Variants in RIMS2 observed in about 807,000 individuals in gnomAD.
RIMS2 encodes regulating synaptic membrane exocytosis 2, also known as regulating synaptic membrane exocytosis protein 2.
A neutral mutation model predicts 174.4 loss-of-function variants in RIMS2; 59 were observed. That is an observed-to-expected ratio of 0.34 (90% CI 0.27 to 0.42). The LOEUF (loss-of-function observed/expected upper bound fraction) is 0.42. Among genes scored for constraint, RIMS2 ranks in the 10% least tolerant of loss-of-function variants. The pLI, the probability that RIMS2 is intolerant of heterozygous loss-of-function variation, is 1.00. For synonymous variants in RIMS2, 606 were observed against 572.5 expected, an observed-to-expected ratio of 1.06 and a Z score of -0.84; for missense variants, 1,620 against 1,666.3, an observed-to-expected ratio of 0.97 and a Z score of 0.48.
rs558799421 is a variant in RIMS2 at position 103,557,606 on chromosome 8, C to G, written c.176+56544C>G. ...CAATGAATGAAACTATCAGATAAAC[C>G]CTTGATAATTTCTACCATACAGGAG... On this transcript the variant is annotated intron_variant, in intron 1 of 23. Transcript: ENST00000504942. 3.3e-5 allele frequency among the ~76,000 whole-genome samples: 5 copies of G among 152,192 alleles called. No homozygotes were observed. In the East Asian group the frequency reaches 9.6e-4, roughly 29 times the overall value.
At position 103,795,695 on chromosome 8, in the gene RIMS2, G is replaced by A. The variant is rs1234468692; in HGVS notation, c.698+29158G>A. 1.3e-5 allele frequency among the ~76,000 whole-genome samples: 2 copies of A among 152,116 alleles called. 1 individual carries two copies. Among genetic ancestry groups the A allele is most frequent in the African/African-American group, 4.8e-5 (2 of 41,436 alleles). On this transcript the variant is annotated intron_variant, in intron 3 of 23. Coordinates refer to ENST00000504942, the Ensembl canonical transcript of RIMS2. Reference sequence around the variant, plus strand: ...AAAAGCAAAAGATACACAATTCTCTGATTTTTCCACCTGAACTAGTTGCAG... The same window carrying A: ...AAAAGCAAAAGATACACAATTCTCTAATTTTTCCACCTGAACTAGTTGCAG...
At chr8:103,985,943 C>T (rs1214332730) in intron 16 of RIMS2, among the ~76,000 whole-genome samples, 1 of 151,982 alleles carries the variant, frequency 6.6e-6, no homozygotes, top group African/African-American at 2.4e-5. Flanking sequence ...AGAAAAGAGC[C>T]TGGTGGGGTG....
intron 19 of RIMS2, among the ~76,000 whole-genome samples, chr8:104,225,216 AC>A (rs1167304629): frequency 6.6e-6 from 1 of 152,298 alleles, no homozygotes; most frequent in African/African-American, 2.4e-5. Context: ...TCCTCATTTC[AC>A]AAATGAGAAG....
At chr8:103,723,658 G>A (rs1479680464) in intron 2 of RIMS2, among the ~76,000 whole-genome samples, 1 of 152,230 alleles carries the variant, frequency 6.6e-6, no homozygotes, top group African/African-American at 2.4e-5. Flanking sequence ...GTGTCCACAG[G>A]TGCTGGCCTG....
chr8:104,045,185 T>C (rs2096671792), intron 19 of RIMS2, among the ~76,000 whole-genome samples: 1 of 151,830 alleles, frequency 6.6e-6, no homozygotes, highest in Non-Finnish European at 1.5e-5. Flanking sequence ...TTCACTAATA[T>C]ATTTGGTCAA....
Position 103,918,433 on chromosome 8 carries a change from C to A in RIMS2, c.2037-8C>A. On this transcript the variant is annotated splice_polypyrimidine_tract_variant and splice_region_variant and intron_variant, in intron 8 of 23. Transcript: ENST00000504942. ...TTCTGTCTTTCTTTTTTTTTTTAAT[C>A]ATTTCAGAGATATACCGCGAATACC... 2.7e-6 allele frequency: 4 copies of A among 1,477,794 alleles called. No individual in the cohort carries two copies. The highest frequency in any genetic ancestry group is 3.6e-6 in the Non-Finnish European group (4 of 1,100,354). The allele number at this position is 1,477,794 out of a possible 1,614,324, so 91.5% of individuals were successfully genotyped here.
chr8:103,731,137 C>A (rs1452551443), intron 2 of RIMS2, among the ~76,000 whole-genome samples: 2 of 152,110 alleles, frequency 1.3e-5, no homozygotes, highest in African/African-American at 4.8e-5. Flanking sequence ...CCCACAGGGT[C>A]CCTCCTATGA....
intron 10 of RIMS2, chr8:103,922,702 T>C: frequency 2.8e-6 from 1 of 357,606 alleles, no homozygotes; most frequent in South Asian, 2.0e-5. Flanking sequence ...AGATAGCTTT[T>C]TGTTAAATTA....
chr8:103,786,763 GAGTTCTGTAGATGTCTATTA>G (rs2098447603), intron 3 of RIMS2, among the ~76,000 whole-genome samples: 1 of 152,336 alleles, frequency 6.6e-6, no homozygotes, highest in African/African-American at 2.4e-5. Context: ...TTGGGGTGGA[GAGTTCTGTAGATGTCTATTA>G]AGTCCGCTTG....
chr8:104,075,235 G>A (rs1049989502), intron 19 of RIMS2, among the ~76,000 whole-genome samples: 2 of 152,162 alleles, frequency 1.3e-5, no homozygotes, highest in African/African-American at 2.4e-5. Context: ...CATTATGCAT[G>A]TGTAAGATGG....
chr8:103,896,064 A>C (rs2099275862), intron 4 of RIMS2, among the ~76,000 whole-genome samples: 1 of 151,608 alleles, frequency 6.6e-6, no homozygotes, highest in South Asian at 2.1e-4. Flanking sequence ...AAGTGGTATA[A>C]TTTCTTAGCC....
chr8:104,089,046 T>A (rs930779774), intron 19 of RIMS2, among the ~76,000 whole-genome samples: 3 of 152,040 alleles, frequency 2.0e-5, no homozygotes, highest in African/African-American at 7.2e-5. Flanking sequence ...AACATTAAAA[T>A]GTTGTCCGGA....
At chr8:104,222,976 G>A (rs928092851) in intron 19 of RIMS2, among the ~76,000 whole-genome samples, 3 of 152,170 alleles carry the variant, frequency 2.0e-5, no homozygotes, top group African/African-American at 4.8e-5. Context: ...GGTAAAAATT[G>A]AGGAGCCTTT....
chr8:104,096,883 AAAAAAG>A (rs1555222113), intron 19 of RIMS2, among the ~76,000 whole-genome samples: 1 of 151,870 alleles, frequency 6.6e-6, no homozygotes, highest in Non-Finnish European at 1.5e-5. Flanking sequence ...ACCAAAAAAA[AAAAAAG>A]AAAAAGAAAA....
At chr8:103,885,821 C>A in exon 4 of RIMS2, 1 of 1,612,774 alleles carries the variant, frequency 6.2e-7, no homozygotes, top group Non-Finnish European at 8.5e-7. Context: ...GGAAAATCAG[C>A]GATCTTATTC....
intron 1 of RIMS2, among the ~76,000 whole-genome samples, chr8:103,591,992 G>A (rs986376647): frequency 6.6e-6 from 1 of 151,174 alleles, no homozygotes. Flanking sequence ...TATTTGGAAA[G>A]AATTGACATT....
intron 19 of RIMS2, among the ~76,000 whole-genome samples, chr8:104,049,808 G>A (rs1005187597): frequency 6.6e-6 from 1 of 152,208 alleles, no homozygotes; most frequent in African/African-American, 2.4e-5. Flanking sequence ...ATTTAGGATT[G>A]AAGAGTTGTG....
intron 19 of RIMS2, among the ~76,000 whole-genome samples, chr8:104,132,609 G>A (rs1299173915): frequency 6.6e-6 from 1 of 152,104 alleles, no homozygotes; most frequent in Non-Finnish European, 1.5e-5. Flanking sequence ...TCTGATGGTA[G>A]GTGTTATAAA....
At chr8:104,023,392 A>G (rs2096161289) in intron 19 of RIMS2, among the ~76,000 whole-genome samples, 1 of 152,136 alleles carries the variant, frequency 6.6e-6, no homozygotes. Context: ...GCACTAACCC[A>G]GGAAAGAGAT....
Sources: gnomAD v4.1 joint callset for allele counts (sites outside exome capture counted in the v4.1 genomes callset) on GRCh38, gnomAD v4.1.1 for gene constraint, MANE v1.5 for transcripts, NCBI Gene and HGNC (gene_info 2026-07-23, HGNC 2026-07-21) for gene names.